The following FAM120A variants were observed in gnomAD, a reference collection of about 807,000 sequenced individuals.
The protein encoded by FAM120A is family with sequence similarity 120 member A, also known as constitutive coactivator of PPAR-gamma-like protein 1.
In FAM120A, 15 loss-of-function variants were observed where a neutral mutation model predicts 109.7. The ratio of observed to expected loss-of-function variants is 0.14; its 90% confidence interval spans 0.09 to 0.21. The LOEUF is 0.21. Among genes scored for constraint, FAM120A ranks in the 10% least tolerant of loss-of-function variants. The pLI is 1.00. For synonymous variants in FAM120A, 493 were observed against 572.8 expected, an observed-to-expected ratio of 0.86 and a Z score of 1.99; for missense variants, 899 against 1,439.3, an observed-to-expected ratio of 0.62 and a Z score of 6.07.
intron 3 of FAM120A, among the ~76,000 whole-genome samples, chr9:93,493,964 G>C (rs1371515759): frequency 6.6e-6 from 1 of 152,204 alleles, no homozygotes; most frequent in Non-Finnish European, 1.5e-5. Context: ...CTGAAAACTG[G>C]AAGTGTCTTC....
At chr9:93,506,931 G>T (rs1860088013) in intron 5 of FAM120A, among the ~76,000 whole-genome samples, 1 of 152,130 alleles carries the variant, frequency 6.6e-6, no homozygotes, top group Non-Finnish European at 1.5e-5. Context: ...AAGGTGCGAT[G>T]GTGACTGTTC....
chr9:93,509,030 C>T (rs1200374612), intron 5 of FAM120A, among the ~76,000 whole-genome samples: 1 of 152,254 alleles, frequency 6.6e-6, no homozygotes, highest in Non-Finnish European at 1.5e-5. Flanking sequence ...GCATGCCACT[C>T]AGACCCTGGA....
intron 7 of FAM120A, among the ~76,000 whole-genome samples, chr9:93,517,198 A>G (rs924819712): frequency 9.2e-5 from 14 of 152,230 alleles, no homozygotes; most frequent in African/African-American, 3.4e-4. Flanking sequence ...CCATCCAGGG[A>G]TGCATACCCT....
chr9:93,544,074 G>C (rs762347972), intron 11 of FAM120A, among the ~76,000 whole-genome samples: 1 of 152,178 alleles, frequency 6.6e-6, no homozygotes, highest in African/African-American at 2.4e-5. Flanking sequence ...GGCACATGCC[G>C]TATTTGTATC....
chr9:93,558,114 T>C lies in FAM120A; in HGVS notation c.2668+104T>C, dbSNP rs546052965. The C allele has an allele frequency of 8.0e-4, 984 of 1,226,024 alleles. 14 individuals carry two copies. The South Asian group carries it at 0.015, about 19-fold the overall frequency. The allele number at this position is 1,226,024 out of a possible 1,614,324, so 75.9% of individuals were successfully genotyped here. A position where few individuals can be genotyped will look rare whatever the true frequency, so the allele number is the denominator to read the frequency against. On this transcript the variant is annotated intron_variant, in intron 14 of 17. Coordinates refer to ENST00000277165, the MANE Select transcript of FAM120A (RefSeq NM_014612.5). The stretch of plus-strand genomic sequence containing the variant: ...CCATCTGCTGTGTTGACCTTGTCAC[T>C]GTTGGTCTTGGAGATCCTGCAGCAG...
chr9:93,532,575 A>G lies in FAM120A; in HGVS notation c.1909+246A>G. ...TTCAGTAAAATAATAAAACAGGTTTACACTTTAAAGTGAATGTTGATCTGA... is the reference window on the plus strand; with the variant it reads ...TTCAGTAAAATAATAAAACAGGTTTGCACTTTAAAGTGAATGTTGATCTGA... On this transcript the variant is annotated intron_variant, in intron 10 of 17. Transcript: ENST00000277165. This position sits in a 1 kb window ranked among gnomAD's most constrained non-coding sequence, Gnocchi z 4.3. 2.0e-6 allele frequency: 1 copy of G among 493,682 alleles called. No individual in the cohort carries two copies. The highest frequency in any genetic ancestry group is 3.7e-6 in the Non-Finnish European group (1 of 272,192). The allele number at this position is 493,682 out of a possible 1,614,324, so 30.6% of individuals were successfully genotyped here.
chr9:93,495,496 G>A (rs961910882), intron 3 of FAM120A, among the ~76,000 whole-genome samples: 1 of 152,230 alleles, frequency 6.6e-6, no homozygotes, highest in African/African-American at 2.4e-5. Context: ...TTGAGAGCAG[G>A]GGCCTGGAGG....
chr9:93,520,959 T>C (rs1168509813), intron 7 of FAM120A, among the ~76,000 whole-genome samples: 3 of 152,242 alleles, frequency 2.0e-5, no homozygotes, highest in Admixed American at 6.5e-5. Context: ...TTTTAGTTTC[T>C]TTAGTTGGAT....
At chr9:93,487,402 TCCACCTACCTAGG>T (rs1859109982) in intron 3 of FAM120A, among the ~76,000 whole-genome samples, 1 of 152,162 alleles carries the variant, frequency 6.6e-6, no homozygotes, top group African/African-American at 2.4e-5. Flanking sequence ...CCCCAAGTGA[TCCACCTACCTAGG>T]CCTCCCAAAG....
intron 1 of FAM120A, among the ~76,000 whole-genome samples, chr9:93,463,963 GTA>G (rs1857903380): frequency 6.6e-6 from 1 of 152,202 alleles, no homozygotes; most frequent in Admixed American, 6.5e-5. Flanking sequence ...TTTACATGTA[GTA>G]TATTTAATCA....
chr9:93,564,190 GA>G, intron 17 of FAM120A, 38 bp from the exon 18 acceptor site: 1 of 1,577,504 alleles, frequency 6.3e-7, no homozygotes, highest in Non-Finnish European at 8.7e-7. Context: ...CTGTTTATCA[GA>G]AACCACCTTC....
rs548978950 is a variant in FAM120A, at chr9:93,466,068, T to C, written c.475-5073T>C. ...TAGCACTGGATGACGCTGACCTTGG[T>C]TGCTTGGGTAAGGAGCTCTCTGTGG... On this transcript the variant is annotated intron_variant, in intron 1 of 17. Coordinates refer to ENST00000277165, the MANE Select transcript of FAM120A (RefSeq NM_014612.5). 5.9e-5 allele frequency among the ~76,000 whole-genome samples: 9 copies of C among 152,250 alleles called. No homozygotes were observed. The South Asian group carries it at 1.7e-3, about 28-fold the overall frequency.
intron 11 of FAM120A, among the ~76,000 whole-genome samples, chr9:93,548,733 C>T (rs151328442): frequency 1.6e-4 from 25 of 152,230 alleles, no homozygotes; most frequent in African/African-American, 5.5e-4. Flanking sequence ...TTCTTGCATC[C>T]GGCCCTGATT....
At chr9:93,523,501 A>G (rs1050956524) in intron 7 of FAM120A, 8 of 341,054 alleles carry the variant, frequency 2.3e-5, no homozygotes, top group African/African-American at 8.8e-5. Context: ...ATATCTTCTC[A>G]TAAAAGTGAT....
rs1446293749 is a variant in FAM120A at position 93,500,463 on chromosome 9, T to A, written c.1030+1577T>A. Among the ~76,000 whole-genome samples the A allele has an allele frequency of 1.3e-5, 2 of 152,222 alleles. No individual in the cohort carries two copies. The highest frequency in any genetic ancestry group is 4.8e-5 in the African/African-American group (2 of 41,454). ...GCTGTCGTGTTCTCCAAGGTCTGCC[T>A]GGCTTTAAATCTCTGCACACTCCTT... On this transcript the variant is annotated intron_variant, in intron 5 of 17. Coordinates refer to ENST00000277165, the MANE Select transcript of FAM120A (RefSeq NM_014612.5). This position sits in a 1 kb window ranked among gnomAD's most constrained non-coding sequence, Gnocchi z 4.6.
At chr9:93,453,214 A>G (rs1857364912) in intron 1 of FAM120A, 1 of 1,002,972 alleles carries the variant, frequency 1.0e-6, no homozygotes, top group African/African-American at 1.7e-5. Flanking sequence ...GTGCACAGTA[A>G]GTATTCAGTG....
intron 17 of FAM120A, 27 bp from the exon 18 acceptor site, chr9:93,564,202 T>C: frequency 1.3e-6 from 2 of 1,583,728 alleles, no homozygotes; most frequent in South Asian, 1.1e-5. Context: ...AACCACCTTC[T>C]CATTTGTTGT....
intron 15 of FAM120A, among the ~76,000 whole-genome samples, chr9:93,560,110 T>A (rs1288599667): frequency 1.3e-5 from 2 of 152,026 alleles, no homozygotes; most frequent in East Asian, 3.9e-4. Flanking sequence ...CTGGGCAATA[T>A]AGTGAGACCC....
At chr9:93,555,420 C>T (rs1219398797) in intron 12 of FAM120A, among the ~76,000 whole-genome samples, 2 of 152,234 alleles carry the variant, frequency 1.3e-5, no homozygotes, top group Admixed American at 6.5e-5. Flanking sequence ...TAGCATTTGG[C>T]ACCAGAATGA....
Sources: allele counts gnomAD v4.1 joint callset (sites outside exome capture counted in the v4.1 genomes callset), GRCh38; gene constraint gnomAD v4.1.1; non-coding constraint Gnocchi (gnomAD v3.1); transcripts MANE v1.5; gene names NCBI Gene and HGNC (gene_info 2026-07-23, HGNC 2026-07-21).